NHSL2: variants seen among roughly 807,000 people sequenced by gnomAD.
The protein encoded by NHSL2 is NHS-like protein 2.
NHSL2 carries 27 observed loss-of-function variants against 53.4 expected under a neutral mutation model. The ratio of observed to expected loss-of-function variants is 0.51; its 90% CI spans 0.37 to 0.70. The LOEUF (loss-of-function observed/expected upper bound fraction) is 0.70, where lower values mean the gene tolerates loss of function less well. Among genes scored for constraint, NHSL2 ranks in the 30% least tolerant of loss-of-function variants. NHSL2 has a pLI of 0.00. For missense variants in NHSL2, 892 were observed against 980.1 expected (o/e 0.91, Z 1.20); for synonymous variants, 408 against 404.1 (o/e 1.01, Z -0.12).
rs746312100 is a variant in NHSL2 at position 72,130,844 on chromosome X, G to A, written c.281-1235G>A. Reference sequence around the variant, plus strand: ...ATGGCCTTTTTAGCCACACGTGGGGGGATGGGGCCACAGAATTCCTTACGG... The same window carrying A: ...ATGGCCTTTTTAGCCACACGTGGGGAGATGGGGCCACAGAATTCCTTACGG... On this transcript the variant is annotated intron_variant, in intron 1 of 7. Coordinates refer to ENST00000633930, the MANE Select transcript of NHSL2 (RefSeq NM_001013627.3). The A allele has an allele frequency of 3.3e-6, 4 of 1,211,853 alleles. No homozygotes were observed. The South Asian group carries it at 7.0e-5, about 21-fold the overall frequency.
chrX:72,000,866 A>C (rs952411890), intron 1 of NHSL2, among the ~76,000 whole-genome samples: 30 of 112,543 alleles, frequency 2.7e-4, no homozygotes, highest in African/African-American at 9.0e-4. Context: ...TGCAAACCTT[A>C]GTTCCCCTTG....
intron 1 of NHSL2, among the ~76,000 whole-genome samples, chrX:72,060,196 G>A (rs1309697474): frequency 8.9e-6 from 1 of 112,146 alleles, no homozygotes; most frequent in Non-Finnish European, 1.9e-5. Context: ...TTCCTAAAGT[G>A]CGAATTGAGG....
At chrX:72,053,164 C>T (rs1490361945) in intron 1 of NHSL2, among the ~76,000 whole-genome samples, 1 of 112,128 alleles carries the variant, frequency 8.9e-6, no homozygotes, top group Admixed American at 9.4e-5. Context: ...GATTTGAGTG[C>T]AGCAAACCAG....
In NHSL2 at chrX:72,143,418, C is replaced by T. The variant is rs372865823; in HGVS notation, c.3522C>T (p.Asp1174=). ...SSANLDAGRN[D]DFKALLQKKG... ...CCAACCTAGATGCTGGCAGAAATGA[C>T]GATTTCAAGGCCTTGCTACAGAAGA... Residue 1174 remains aspartate, a synonymous_variant, in exon 8 of 8, where the codon GAC becomes GAT. Coordinates refer to ENST00000633930, the MANE Select transcript of NHSL2 (RefSeq NM_001013627.3). The T allele has an allele frequency of 2.6e-6, 3 of 1,165,537 alleles. No individual in the cohort carries two copies. The highest frequency in any genetic ancestry group is 1.9e-5 in the South Asian group (1 of 52,526).
intron 1 of NHSL2, among the ~76,000 whole-genome samples, chrX:72,093,110 G>C (rs1227556070): frequency 4.4e-5 from 5 of 112,709 alleles, no homozygotes; most frequent in Non-Finnish European, 9.4e-5. Flanking sequence ...CTAGAGATAA[G>C]TTTGGACTTC....
At chrX:72,143,109 T>C in intron 7 of NHSL2, 144 bp from the exon 8 acceptor site, 3 of 448,093 alleles carry the variant, frequency 6.7e-6, no homozygotes, top group Non-Finnish European at 1.2e-5. Context: ...CTCTGAGGAT[T>C]TAGAGGTGAG....
intron 1 of NHSL2, among the ~76,000 whole-genome samples, chrX:71,941,223 C>T (rs1057223502): frequency 9.0e-6 from 1 of 111,359 alleles, no homozygotes; most frequent in African/African-American, 3.3e-5. Flanking sequence ...TCATTACTGA[C>T]TGAAGACCCT....
chrX:72,100,771 C>T (rs1012004035), intron 1 of NHSL2, among the ~76,000 whole-genome samples: 3 of 112,454 alleles, frequency 2.7e-5, no homozygotes, highest in East Asian at 2.8e-4. Context: ...CACCCAAGTC[C>T]GTGGAGAAAT....
intron 1 of NHSL2, among the ~76,000 whole-genome samples, chrX:72,112,898 C>T (rs2042105315): frequency 9.0e-6 from 1 of 111,287 alleles, no homozygotes; most frequent in Non-Finnish European, 1.9e-5. Flanking sequence ...CTCTGTTGGC[C>T]AGGCTGGTCT....
At chrX:71,947,357 A>G (rs1028723723) in intron 1 of NHSL2, among the ~76,000 whole-genome samples, 5 of 111,929 alleles carry the variant, frequency 4.5e-5, no homozygotes, top group African/African-American at 1.6e-4. Context: ...AGATGTACTA[A>G]CTTTAGTTCC....
chrX:72,086,070 T>C (rs1253642303), intron 1 of NHSL2, among the ~76,000 whole-genome samples: 4 of 111,967 alleles, frequency 3.6e-5, no homozygotes, highest in Non-Finnish European at 5.6e-5. Context: ...AGCTTTTCTC[T>C]AGAGCTTTCC....
chrX:72,005,751 C>T (rs148726239), intron 1 of NHSL2, among the ~76,000 whole-genome samples: 1,579 of 111,680 alleles, frequency 0.014, 22 homozygotes, highest in African/African-American at 0.05. Flanking sequence ...CTGGATTAGG[C>T]CCAGAAGCCC....
chrX:72,003,173 T>C (rs933998593), intron 1 of NHSL2, among the ~76,000 whole-genome samples: 4 of 111,232 alleles, frequency 3.6e-5, no homozygotes, highest in Non-Finnish European at 7.5e-5. Flanking sequence ...TGTCGTGTGT[T>C]GCTGAACAGC....
intron 1 of NHSL2, among the ~76,000 whole-genome samples, chrX:72,083,358 C>T (rs1223939791): frequency 8.8e-6 from 1 of 113,097 alleles, no homozygotes; most frequent in Non-Finnish European, 1.9e-5. Flanking sequence ...GCACATAGTA[C>T]ATCTTTAAAG....
chrX:71,929,665 T>A (rs140005402), intron 1 of NHSL2, among the ~76,000 whole-genome samples: 1 of 111,753 alleles, frequency 8.9e-6, no homozygotes, highest in African/African-American at 3.2e-5. Flanking sequence ...GCCCTGAAAC[T>A]CTACTCAAGA....
chrX:72,143,387 G>A lies in NHSL2; in HGVS notation c.3491G>A (p.Ser1164Asn), dbSNP rs569103792. The A allele has an allele frequency of 8.3e-5, 97 of 1,165,426 alleles. 1 individual carries two copies. In the South Asian group the frequency reaches 1.6e-3, roughly 19 times the overall value. Residue 1164 changes from serine to asparagine, a missense_variant, in exon 8 of 8, where the codon AGC becomes AAC. Physicochemically the swap from Ser to Asn is conservative, Grantham distance 46. Coordinates refer to ENST00000633930, the MANE Select transcript of NHSL2 (RefSeq NM_001013627.3). ...SESTATAGSG[S>N]SANLDAGRND... is the part of the protein sequence containing the mutation. ...TCTACCGCCACTGCAGGGTCAGGCA[G>A]CAGTGCCAACCTAGATGCTGGCAGA...
At chrX:71,998,806 A>C (rs1303496142) in intron 1 of NHSL2, among the ~76,000 whole-genome samples, 2 of 111,319 alleles carry the variant, frequency 1.8e-5, no homozygotes, top group Non-Finnish European at 3.8e-5. Flanking sequence ...CCCCATGCTC[A>C]TTCATGACAC....
At chrX:72,078,230 G>T (rs1247205212) in intron 1 of NHSL2, among the ~76,000 whole-genome samples, 2 of 112,241 alleles carry the variant, frequency 1.8e-5, no homozygotes, top group East Asian at 2.8e-4. Context: ...GCCAATGTGA[G>T]GGGGGTAAGA....
At position 72,140,760 on chromosome X, in the gene NHSL2, C is replaced by A; in HGVS notation, c.3212C>A (p.Ala1071Glu). Residue 1071 changes from alanine (A) to glutamate (E), a missense_variant, in exon 6 of 8, where the codon GCA becomes GAA. By Grantham distance (107) the Ala-to-Glu change is moderately radical. Coordinates refer to ENST00000633930, the MANE Select transcript of NHSL2 (RefSeq NM_001013627.3). The stretch of plus-strand genomic sequence containing the variant: ...CCTCAGGCTGACAGTGAAAGGGAGG[C>A]AAGCCCTCTGGGTTAGTAAACTGTC... Reference protein sequence around the residue: ...STPQADSEREASPLGSSVEPG... With the variant: ...STPQADSEREESPLGSSVEPG... 2 of 1,177,125 alleles carry A rather than the reference C, an allele frequency of 1.7e-6. No individual in the cohort carries two copies. The highest frequency in any genetic ancestry group is 2.3e-6 in the Non-Finnish European group (2 of 877,071).
Sources: allele counts gnomAD v4.1 joint callset (sites outside exome capture counted in the v4.1 genomes callset), GRCh38; gene constraint gnomAD v4.1.1; transcripts MANE v1.5; gene names NCBI Gene and HGNC (gene_info 2026-07-23, HGNC 2026-07-21).